Variants in DTL observed in about 807,000 individuals in gnomAD.
The protein encoded by DTL is denticleless protein homolog.
In DTL, 46 loss-of-function variants were observed where a neutral mutation model predicts 87.0. That is an observed-to-expected ratio of 0.53 (90% CI 0.42 to 0.68). The LOEUF (loss-of-function observed/expected upper bound fraction) is 0.68, where lower values mean the gene tolerates loss of function less well. DTL is among the 30% of genes least tolerant of loss of function. The pLI is 0.00. For synonymous variants in DTL, 308 were observed against 311.2 expected, an observed-to-expected ratio of 0.99 and a Z score of 0.11; for missense variants, 737 against 869.4, an observed-to-expected ratio of 0.85 and a Z score of 1.91.
chr1:212,082,141 A>G (rs1655006245), intron 13 of DTL, among the ~76,000 whole-genome samples: 2 of 152,210 alleles, frequency 1.3e-5, no homozygotes, highest in Admixed American at 1.3e-4. Flanking sequence ...CCAAGTAAAT[A>G]AGAGGAGAGA....
chr1:212,073,538 C>T (rs74861468), intron 11 of DTL, among the ~76,000 whole-genome samples: 3,088 of 152,192 alleles, frequency 0.02, 34 homozygotes, highest in African/African-American at 0.026. Flanking sequence ...TAGTATGAAG[C>T]ATAATTCTTC....
At chr1:212,073,388 A>G (rs1018910287) in intron 11 of DTL, among the ~76,000 whole-genome samples, 15 of 152,366 alleles carry the variant, frequency 9.8e-5, no homozygotes, top group East Asian at 9.6e-4. Flanking sequence ...TTTTAAAGTC[A>G]TAATGTCTAA....
chr1:212,050,617 T>C (rs1277291924), intron 5 of DTL, among the ~76,000 whole-genome samples: 3 of 152,206 alleles, frequency 2.0e-5, no homozygotes, highest in East Asian at 3.8e-4. Flanking sequence ...GTAGCTAAAA[T>C]TGAGAAACAT....
Position 212,080,636 on chromosome 1 carries a change from A to G in DTL, c.1147A>G (p.Asn383Asp). The G allele has an allele frequency of 6.2e-7, 1 of 1,613,524 alleles. No individual in the cohort carries two copies. The highest frequency in any genetic ancestry group is 1.1e-5 in the South Asian group (1 of 91,056). The stretch of plus-strand genomic sequence containing the variant: ...TTAGATTGCTACCTGTTCTGATGAC[A>G]ATACACTAAAAATCTGGCGCTTGAA... ...FTKIATCSDD[N>D]TLKIWRLNRG... is the part of the protein sequence containing the mutation. Residue 383 changes from asparagine to aspartate, a missense_variant, in exon 13 of 15, where the codon AAT becomes GAT. By Grantham distance (23) the Asn-to-Asp change is conservative. Transcript: ENST00000366991.
intron 10 of DTL, among the ~76,000 whole-genome samples, chr1:212,069,737 G>A (rs544979294): frequency 6.6e-6 from 1 of 151,862 alleles, no homozygotes; most frequent in African/African-American, 2.4e-5. Flanking sequence ...GTAAAGGCAG[G>A]GTTTCACCTT....
Position 212,100,744 on chromosome 1 carries a change from A to T in DTL, c.1754A>T (p.His585Leu). ...TELDGQVENL[H>L]LDLCCLAGNQ... ...CTTGATGGCCAAGTTGAAAATCTTCATTTGGATCTGTGCTGCCTTGCTGGT... is the reference window on the plus strand; with the variant it reads ...CTTGATGGCCAAGTTGAAAATCTTCTTTTGGATCTGTGCTGCCTTGCTGGT... The change falls in exon 14 of 15, where the codon CAT becomes CTT. Residue 585 changes from histidine to leucine, a missense_variant. Transcript: ENST00000366991. 1.2e-6 allele frequency: 2 copies of T among 1,614,124 alleles called. No homozygotes were observed. The highest frequency in any genetic ancestry group is 1.7e-6 in the Non-Finnish European group (2 of 1,180,032).
intron 5 of DTL, among the ~76,000 whole-genome samples, chr1:212,060,187 G>A (rs1398861780): frequency 6.6e-6 from 1 of 152,014 alleles, no homozygotes; most frequent in African/African-American, 2.4e-5. Flanking sequence ...AAATTTATGT[G>A]GAGCCAAAAA....
At chr1:212,056,473 T>C (rs1282205299) in intron 5 of DTL, among the ~76,000 whole-genome samples, 2 of 152,190 alleles carry the variant, frequency 1.3e-5, no homozygotes, top group Non-Finnish European at 2.9e-5. Flanking sequence ...ACCATCACCA[T>C]AGATACATCT....
intron 10 of DTL, among the ~76,000 whole-genome samples, chr1:212,071,326 T>A (rs1346870200): frequency 6.6e-6 from 1 of 152,222 alleles, no homozygotes; most frequent in Non-Finnish European, 1.5e-5. Flanking sequence ...TATTTCCTAG[T>A]AGTGTTCTGA....
chr1:212,088,821 T>C (rs898596404), intron 13 of DTL, among the ~76,000 whole-genome samples: 2 of 152,154 alleles, frequency 1.3e-5, no homozygotes, highest in Non-Finnish European at 2.9e-5. Context: ...GCACGGTGGC[T>C]CACGCCTGTA....
chr1:212,056,778 C>T (rs962492407), intron 5 of DTL, among the ~76,000 whole-genome samples: 1 of 151,996 alleles, frequency 6.6e-6, no homozygotes, highest in African/African-American at 2.4e-5. Flanking sequence ...AATGAGGAAT[C>T]TACCAAAGAG....
intron 11 of DTL, 22 bp downstream of exon 11, chr1:212,072,235 A>C: frequency 6.4e-7 from 1 of 1,553,922 alleles, no homozygotes; most frequent in African/African-American, 1.4e-5. Flanking sequence ...AACTTCACCC[A>C]CAAGTGTTAG....
Position 212,043,010 on chromosome 1 carries a change from C to G in DTL, c.70C>G (p.Pro24Ala). ...VLRNGWSSQY[P>A]LQSLLTGYQC... ...TGTTTTAGGATGGTCTTCACAATAC[C>G]CTCTTCAATCCCTTCTGACTGGTTA... is the stretch of plus-strand genomic sequence containing the variant. The change falls in exon 2 of 15, where the codon CCT becomes GCT. Residue 24 changes from proline to alanine, a missense_variant. Physicochemically the swap from Pro to Ala is conservative, Grantham distance 27. Coordinates refer to ENST00000366991, the MANE Select transcript of DTL (RefSeq NM_016448.4). The G allele has an allele frequency of 6.2e-7, 1 of 1,608,116 alleles. No individual in the cohort carries two copies. Among genetic ancestry groups the G allele is most frequent in the Non-Finnish European group, 8.5e-7 (1 of 1,177,264 alleles).
At position 212,080,712 on chromosome 1, in the gene DTL, G is replaced by C. The variant is rs1654966207; in HGVS notation, c.1223G>C (p.Trp408Ser). The part of the protein sequence containing the change: ...PGGDKLSTVG[W>S]ASQKKKESRP... The stretch of plus-strand genomic sequence containing the variant: ...GGTGATAAACTTTCCACGGTGGGTT[G>C]GGCCTCTCAGAAGAAAAAAGAGTCA... The change falls in exon 13 of 15, where the codon TGG becomes TCG. Residue 408 changes from tryptophan (W) to serine (S), a missense_variant. Transcript: ENST00000366991. 1 of 1,613,450 alleles carries C rather than the reference G, an allele frequency of 6.2e-7. No individual in the cohort carries two copies. Among genetic ancestry groups the C allele is most frequent in the Non-Finnish European group, 8.5e-7 (1 of 1,179,638 alleles).
intron 13 of DTL, among the ~76,000 whole-genome samples, chr1:212,093,883 CCTT>C (rs1045487949): frequency 3.9e-5 from 6 of 152,172 alleles, no homozygotes; most frequent in African/African-American, 1.2e-4. Flanking sequence ...AGGGATCACA[CCTT>C]CTTCTGCCCA....
At chr1:212,039,074 CT>C (rs775065943) in intron 1 of DTL, among the ~76,000 whole-genome samples, 2 of 152,108 alleles carry the variant, frequency 1.3e-5, no homozygotes, top group South Asian at 2.1e-4. Flanking sequence ...TTGAAAAGCT[CT>C]TTTACTGATC....
chr1:212,058,726 G>T (rs1381553218), intron 5 of DTL, among the ~76,000 whole-genome samples: 1 of 151,370 alleles, frequency 6.6e-6, no homozygotes, highest in Non-Finnish European at 1.5e-5. Flanking sequence ...AAAAAAACAA[G>T]AAAAAGGGTC....
chr1:212,102,754 G>T, intron 14 of DTL, 88 bp from the exon 15 acceptor site: 1 of 861,744 alleles, frequency 1.2e-6, no homozygotes, highest in Admixed American at 2.3e-5. Flanking sequence ...GAAATTTCTG[G>T]CAGCCTAATT....
intron 13 of DTL, among the ~76,000 whole-genome samples, chr1:212,097,073 A>G (rs1655473845): frequency 6.6e-6 from 1 of 152,220 alleles, no homozygotes; most frequent in Admixed American, 6.5e-5. Flanking sequence ...AGCGTTTGAA[A>G]AAGACTTTCA....
Sources: gnomAD v4.1 joint callset for allele counts (sites outside exome capture counted in the v4.1 genomes callset) on GRCh38, gnomAD v4.1.1 for gene constraint, MANE v1.5 for transcripts, NCBI Gene and HGNC (gene_info 2026-07-23, HGNC 2026-07-21) for gene names.